The following RUNX3 variants were observed in gnomAD, a reference collection of about 807,000 sequenced individuals.
RUNX3 encodes runt-related transcription factor 3.
Under a neutral mutation model 27.7 loss-of-function variants are expected in RUNX3, and 10 were observed. The observed-to-expected ratio is 0.36, with a 90% confidence interval of 0.22 to 0.61. RUNX3 has a LOEUF of 0.61. Among genes scored for constraint, RUNX3 ranks in the 20% least tolerant of loss-of-function variants. The pLI, the probability that RUNX3 is intolerant of heterozygous loss-of-function variation, is 0.72. For missense variants in RUNX3, 469 were observed against 629.5 expected (o/e 0.75, Z 2.73); for synonymous variants, 270 against 269.2 (o/e 1.00, Z -0.03).
chr1:24,950,918 G>A (rs1357220290), intron 2 of RUNX3, among the ~76,000 whole-genome samples: 1 of 152,104 alleles, frequency 6.6e-6, no homozygotes, highest in Non-Finnish European at 1.5e-5. Flanking sequence ...CGTAAGAAGG[G>A]CAGCATAGGC....
At chr1:24,956,659 C>T (rs1281613025) in intron 2 of RUNX3, among the ~76,000 whole-genome samples, 1 of 152,180 alleles carries the variant, frequency 6.6e-6, no homozygotes, top group Admixed American at 6.5e-5. Context: ...CCTCCTGCCC[C>T]TGCTTACCCC....
chr1:24,909,919 C>T (rs1444457967), intron 3 of RUNX3, among the ~76,000 whole-genome samples: 4 of 152,142 alleles, frequency 2.6e-5, no homozygotes, highest in Non-Finnish European at 5.9e-5. Context: ...ACTGCAACTG[C>T]GGAGAGGCGA....
chr1:24,912,231 C>G (rs1640810134), intron 3 of RUNX3, among the ~76,000 whole-genome samples: 1 of 152,232 alleles, frequency 6.6e-6, no homozygotes, highest in East Asian at 1.9e-4. Flanking sequence ...ACAGTCTGCT[C>G]ACTGAGGCCC....
Position 24,927,429 on chromosome 1 carries a change from C to A in RUNX3, c.439+145G>T, listed in dbSNP as rs566175422. ...ACCTCCTCAAAGCGATCTGTAATAT[C>A]CTACAGGATTACAAATTGCTGTTTT... On this transcript the variant is annotated intron_variant, in intron 2 of 4. Transcript: ENST00000308873. This position sits in a 1 kb window ranked among gnomAD's most constrained non-coding sequence, Gnocchi z 5.0. 24 of 743,492 alleles carry A rather than the reference C, an allele frequency of 3.2e-5. No individual in the cohort carries two copies. The highest frequency in any genetic ancestry group is 4.6e-6 in the Non-Finnish European group (2 of 435,800). The allele number at this position is 743,492 out of a possible 1,614,324, so 46.1% of individuals were successfully genotyped here.
Position 24,943,602 on chromosome 1 carries a change from G to T in RUNX3, c.59-13750C>A, listed in dbSNP as rs553223852. ...AGCCCTGGAACAGTTGGCCAGTGCG[G>T]AGAGGACCCCCGAAGATCTCTGAGG... On this transcript the variant is annotated intron_variant, in intron 2 of 6. Coordinates refer to the RUNX3 transcript ENST00000338888. The surrounding 1 kb of genome is among the most constrained non-coding windows in gnomAD (Gnocchi z 4.6). Among the ~76,000 whole-genome samples the T allele has an allele frequency of 3.5e-4, 54 of 152,334 alleles. No individual in the cohort carries two copies. Among genetic ancestry groups the T allele is most frequent in the African/African-American group, 1.2e-3 (49 of 41,574 alleles).
At position 24,927,577 on chromosome 1, in the gene RUNX3, G is replaced by A; in HGVS notation, c.436C>T (p.Arg146Ter). 2 of 1,613,928 alleles carry A rather than the reference G, an allele frequency of 1.2e-6. No homozygotes were observed. The highest frequency in any genetic ancestry group is 1.7e-6 in the Non-Finnish European group (2 of 1,179,984). ...NDLRFVGRSG[R>*]GKSFTLTITV... ...GCGAGGCCTCCCTTCCACTTACCTC[G>A]CCCACTGCGGCCCACGAAGCGAAGG... Residue 146 changes from arginine (R) to a stop codon, truncating the protein, a stop_gained, in exon 2 of 5, where the codon CGA becomes TGA. Transcript: ENST00000308873. LOFTEE classifies it high-confidence loss of function. The surrounding 1 kb of genome is among the most constrained non-coding windows in gnomAD (Gnocchi z 5.0).
At chr1:24,931,823 C>G (rs1023597202), upstream of RUNX3, among the ~76,000 whole-genome samples, 3 of 152,188 alleles carry the variant, frequency 2.0e-5, no homozygotes, top group Non-Finnish European at 4.4e-5. Context: ...CGCCCTCAGG[C>G]CGTGTCGAAA....
At chr1:24,911,578 T>TTA (rs2124264021) in intron 3 of RUNX3, among the ~76,000 whole-genome samples, 1 of 152,332 alleles carries the variant, frequency 6.6e-6, no homozygotes, top group Admixed American at 6.5e-5. Flanking sequence ...ACCATCGCTT[T>TTA]TATCTCTGCT....
chr1:24,958,179 G>A (rs565431917), intron 2 of RUNX3, among the ~76,000 whole-genome samples: 3 of 152,312 alleles, frequency 2.0e-5, no homozygotes, highest in African/African-American at 7.2e-5. Context: ...TCAGGGTAGG[G>A]CCACAGTTGC....
chr1:24,936,490 C>T (rs1438234795), intron 2 of RUNX3, among the ~76,000 whole-genome samples: 4 of 152,150 alleles, frequency 2.6e-5, no homozygotes, highest in Admixed American at 1.3e-4. Flanking sequence ...GGGCAGGATT[C>T]GGAATTTTAC....
At chr1:24,957,752 C>G (rs1641981604) in intron 2 of RUNX3, among the ~76,000 whole-genome samples, 1 of 152,218 alleles carries the variant, frequency 6.6e-6, no homozygotes, top group Non-Finnish European at 1.5e-5. Context: ...CTCATTAAAC[C>G]TACCCAACAT....
chr1:24,945,720 CCTCT>C (rs1450452131), intron 2 of RUNX3, among the ~76,000 whole-genome samples: 1 of 152,136 alleles, frequency 6.6e-6, no homozygotes, highest in South Asian at 2.1e-4. Context: ...CACTGTGGAT[CCTCT>C]CTCTCTAACA....
At chr1:24,951,720 C>T (rs192353093) in intron 2 of RUNX3, among the ~76,000 whole-genome samples, 1 of 152,344 alleles carries the variant, frequency 6.6e-6, no homozygotes, top group East Asian at 1.9e-4. Context: ...TTCATAGCTA[C>T]TGTGCTTTGG....
chr1:24,914,433 C>T (rs1211737684), intron 3 of RUNX3, among the ~76,000 whole-genome samples: 1 of 152,332 alleles, frequency 6.6e-6, no homozygotes, highest in Non-Finnish European at 1.5e-5. Flanking sequence ...TTAACAGCCT[C>T]GCGGAATCGC....
chr1:24,946,753 C>T (rs908819841), intron 2 of RUNX3, among the ~76,000 whole-genome samples: 6 of 152,076 alleles, frequency 3.9e-5, no homozygotes, highest in African/African-American at 1.2e-4. Flanking sequence ...CTCCGGACAC[C>T]GCCCCACATC....
Position 24,902,080 on chromosome 1 carries a change from G to A in RUNX3, c.*42C>T. 3 of 1,465,582 alleles carry A rather than the reference G, an allele frequency of 2.0e-6. No individual in the cohort carries two copies. The highest frequency in any genetic ancestry group is 2.7e-6 in the Non-Finnish European group (3 of 1,105,426). 90.8% of individuals were successfully genotyped at this position (1,465,582 alleles called of 1,614,324 possible). On this transcript the variant is annotated 3_prime_UTR_variant, in exon 5 of 5. Transcript: ENST00000308873. This position sits in a 1 kb window ranked among gnomAD's most constrained non-coding sequence, Gnocchi z 9.2. ...CGGCCCATCACTGGTCTTGAAGGTT[G>A]TTAGGGTCCCCGCCTCCAGCGGGAG...
At chr1:24,934,818 A>G (rs917233871), upstream of RUNX3, among the ~76,000 whole-genome samples, 1 of 152,080 alleles carries the variant, frequency 6.6e-6, no homozygotes, top group Non-Finnish European at 1.5e-5. Flanking sequence ...CTAGATACAG[A>G]GGAAAGAGCT....
chr1:24,919,208 C>T (rs774518018), intron 3 of RUNX3, 32 bp downstream of exon 3: 26 of 1,391,232 alleles, frequency 1.9e-5, no homozygotes, highest in Admixed American at 5.8e-5. Flanking sequence ...TCCTCCCCCG[C>T]GCAGGGGCTC....
chr1:24,930,038 C>A lies in RUNX3; in HGVS notation c.-170G>T, dbSNP rs1416690737. 1.0e-6 allele frequency: 1 copy of A among 981,240 alleles called. No homozygotes were observed. The highest frequency in any genetic ancestry group is 1.8e-5 in the African/African-American group (1 of 56,768). 60.8% of individuals were successfully genotyped at this position (981,240 alleles called of 1,614,324 possible). On this transcript the variant is annotated 5_prime_UTR_variant, in exon 1 of 5. Transcript: ENST00000308873. This position sits in a 1 kb window ranked among gnomAD's most constrained non-coding sequence, Gnocchi z 4.1. The stretch of plus-strand genomic sequence containing the variant: ...GGCGCCCGGCCACTACTCGCCAGGG[C>A]CCGCCCGCTGCGAGGCCTCGCTGGC...
Sources: allele counts gnomAD v4.1 joint callset (sites outside exome capture counted in the v4.1 genomes callset), GRCh38; gene constraint gnomAD v4.1.1; non-coding constraint Gnocchi (gnomAD v3.1); transcripts MANE v1.5; gene names NCBI Gene and HGNC (gene_info 2026-07-23, HGNC 2026-07-21).